The following OPCML variants were observed in gnomAD, a reference collection of about 807,000 sequenced individuals.
The protein encoded by OPCML is opioid binding protein/cell adhesion molecule like, also known as opioid-binding protein/cell adhesion molecule.
A neutral mutation model predicts 37.8 loss-of-function variants in OPCML; 13 were observed. The observed-to-expected ratio is 0.34, with a 90% CI of 0.22 to 0.55. OPCML has a LOEUF of 0.55. Ranked by LOEUF, OPCML falls within the 20% of genes least tolerant of loss-of-function variation. OPCML has a pLI of 0.91. For missense variants in OPCML, 341 were observed against 435.6 expected (o/e 0.78, Z 1.93); for synonymous variants, 176 against 168.8 (o/e 1.04, Z -0.33).
chr11:133,347,668 A>G (rs1944034372), intron 1 of OPCML, among the ~76,000 whole-genome samples: 1 of 152,206 alleles, frequency 6.6e-6, no homozygotes, highest in Admixed American at 6.5e-5. Flanking sequence ...TGGACATAGC[A>G]GCATGCTATT....
At position 133,382,584 on chromosome 11, in the gene OPCML, T is replaced by C. The variant is rs1248947647; in HGVS notation, c.61+149680A>G. 2.6e-5 allele frequency among the ~76,000 whole-genome samples: 4 copies of C among 152,190 alleles called. No homozygotes were observed. The South Asian group carries it at 8.3e-4, about 32-fold the overall frequency. On this transcript the variant is annotated intron_variant, in intron 1 of 7. Transcript: ENST00000524381. ...CCCCGATTTATTGCTCTTGGCAGCG[T>C]CTAGGCTGGGCATTTCTATAAACCC...
chr11:133,487,212 C>A (rs1293742660), intron 1 of OPCML, among the ~76,000 whole-genome samples: 3 of 152,090 alleles, frequency 2.0e-5, no homozygotes, highest in Admixed American at 6.6e-5. Context: ...AGAATAATAT[C>A]CAAATCTTTT....
intron 1 of OPCML, chr11:133,423,488 A>G (rs1280933172): frequency 3.0e-6 from 3 of 985,336 alleles, no homozygotes; most frequent in South Asian, 4.7e-5. Flanking sequence ...CCTGGCAACA[A>G]GCAGTCATAG....
In OPCML at chr11:133,212,582, C is replaced by G. The variant is rs529416241; in HGVS notation, c.62-269572G>C. On this transcript the variant is annotated intron_variant, in intron 1 of 7. Transcript: ENST00000524381. The surrounding 1 kb of genome is among the most constrained non-coding windows in gnomAD (Gnocchi z 4.9). Reference sequence around the variant, plus strand: ...CGCTGCACTCTTGATCTCCCTTACTCTCTTTTACTTTCTCACTTGTCCAAA... The same window carrying G: ...CGCTGCACTCTTGATCTCCCTTACTGTCTTTTACTTTCTCACTTGTCCAAA... Among the ~76,000 whole-genome samples, 325 of 152,338 alleles carry G rather than the reference C, an allele frequency of 2.1e-3. 2 individuals are homozygous for G. The highest frequency in any genetic ancestry group is 1.8e-3 in the Non-Finnish European group (121 of 68,032).
At chr11:133,151,453 A>T (rs4367953) in intron 1 of OPCML, among the ~76,000 whole-genome samples, 49,435 of 150,664 alleles carry the variant, frequency 0.33, 8,841 homozygotes, top group African/African-American at 0.48. Flanking sequence ...AAGAGAATGT[A>T]TTTTTTTTTC....
chr11:132,816,838 A>C (rs1939665954), intron 2 of OPCML, among the ~76,000 whole-genome samples: 1 of 152,194 alleles, frequency 6.6e-6, no homozygotes, highest in African/African-American at 2.4e-5. Context: ...AAGAGGGAGA[A>C]GGGTATAGTC....
rs893824887 is a variant in OPCML at position 133,004,112 on chromosome 11, T to C, written c.62-61102A>G. ...GCTGTGTTCTAGCTTGGAAGGAAGT[T>C]GGACACCCACACATCTCAAAAGCGG... On this transcript the variant is annotated intron_variant, in intron 1 of 7. Transcript: ENST00000524381. 4.1e-6 allele frequency: 4 copies of C among 985,184 alleles called. No individual in the cohort carries two copies. The African/African-American group carries it at 7.0e-5, about 17-fold the overall frequency. The allele number at this position is 985,184 out of a possible 1,614,324, so 61.0% of individuals were successfully genotyped here. A position where few individuals can be genotyped will look rare whatever the true frequency, so the allele number is the denominator to read the frequency against.
intron 1 of OPCML, among the ~76,000 whole-genome samples, chr11:133,335,744 A>G (rs1943732114): frequency 6.6e-6 from 1 of 152,196 alleles, no homozygotes; most frequent in Admixed American, 6.5e-5. Context: ...AGGATGCAGC[A>G]AAACTGACCC....
At chr11:132,902,756 C>T (rs1207544603) in intron 2 of OPCML, among the ~76,000 whole-genome samples, 1 of 151,982 alleles carries the variant, frequency 6.6e-6, no homozygotes, top group Non-Finnish European at 1.5e-5. Flanking sequence ...AACTTCTTTC[C>T]ACAAGAAAAA....
intron 1 of OPCML, among the ~76,000 whole-genome samples, chr11:133,242,098 C>A (rs1330053603): frequency 6.6e-6 from 1 of 152,120 alleles, no homozygotes; most frequent in Non-Finnish European, 1.5e-5. Flanking sequence ...TGAATCCTCC[C>A]CACTCCTTGC....
chr11:132,626,884 A>G (rs1357649582), intron 3 of OPCML, among the ~76,000 whole-genome samples: 1 of 150,774 alleles, frequency 6.6e-6, no homozygotes, highest in Non-Finnish European at 1.5e-5. Context: ...ACACATACAT[A>G]TACATATATG....
At chr11:132,486,085 T>C (rs915742241) in intron 4 of OPCML, among the ~76,000 whole-genome samples, 12 of 152,330 alleles carry the variant, frequency 7.9e-5, no homozygotes, top group Admixed American at 7.2e-4. Flanking sequence ...ATTTTAGCCA[T>C]TGTAGTGTGA....
intron 1 of OPCML, among the ~76,000 whole-genome samples, chr11:133,383,621 G>A (rs1331125256): frequency 6.6e-6 from 1 of 152,086 alleles, no homozygotes; most frequent in Non-Finnish European, 1.5e-5. Context: ...AACATCCTGA[G>A]GTCATGTCAA....
intron 1 of OPCML, among the ~76,000 whole-genome samples, chr11:133,410,483 T>C (rs1264138971): frequency 6.6e-6 from 1 of 151,908 alleles, no homozygotes; most frequent in Admixed American, 6.6e-5. Flanking sequence ...AGTCTTTTTC[T>C]CTAGGTTATA....
At chr11:132,858,569 C>T (rs1316922363) in intron 2 of OPCML, among the ~76,000 whole-genome samples, 2 of 152,126 alleles carry the variant, frequency 1.3e-5, no homozygotes, top group Admixed American at 6.6e-5. Flanking sequence ...AGAGGGATTT[C>T]CCAGAGGCCC....
chr11:133,043,745 A>T (rs1252382283), intron 1 of OPCML, among the ~76,000 whole-genome samples: 1 of 152,228 alleles, frequency 6.6e-6, no homozygotes, highest in Non-Finnish European at 1.5e-5. Flanking sequence ...AGTGCAGGAA[A>T]AAAAGGGGGA....
At chr11:133,081,473 G>A (rs972824522) in intron 1 of OPCML, among the ~76,000 whole-genome samples, 5 of 152,206 alleles carry the variant, frequency 3.3e-5, no homozygotes, top group Admixed American at 2.6e-4. Context: ...GAATTCGCAA[G>A]TGGCTGAGCG....
intron 2 of OPCML, among the ~76,000 whole-genome samples, chr11:132,745,716 C>T (rs1407063475): frequency 3.9e-5 from 6 of 152,076 alleles, no homozygotes; most frequent in African/African-American, 1.2e-4. Flanking sequence ...AGCTATTTCA[C>T]GTTGAATGTG....
At chr11:132,730,866 G>A (rs557331825) in intron 2 of OPCML, among the ~76,000 whole-genome samples, 1 of 152,222 alleles carries the variant, frequency 6.6e-6, no homozygotes, top group East Asian at 1.9e-4. Flanking sequence ...AGGAAAATCA[G>A]CTGGTGAATA....
Sources: gnomAD v4.1 joint callset for allele counts (sites outside exome capture counted in the v4.1 genomes callset) on GRCh38, gnomAD v4.1.1 for gene constraint, Gnocchi (gnomAD v3.1) non-coding constraint, MANE v1.5 for transcripts, NCBI Gene and HGNC (gene_info 2026-07-23, HGNC 2026-07-21) for gene names.